The following FAM13A variants were observed in gnomAD, a reference collection of about 807,000 sequenced individuals.
The protein encoded by FAM13A is family with sequence similarity 13 member A, also known as protein FAM13A.
In FAM13A, 76 loss-of-function variants were observed where a neutral mutation model predicts 129.6. The observed-to-expected ratio is 0.59, with a 90% confidence interval of 0.49 to 0.71. FAM13A has a LOEUF of 0.71. Among genes scored for constraint, FAM13A ranks in the 30% least tolerant of loss-of-function variants. The pLI, the probability that FAM13A is intolerant of heterozygous loss-of-function variation, is 0.00. For missense variants in FAM13A, 1,108 were observed against 1,249.3 expected (o/e 0.89, Z 1.70); for synonymous variants, 443 against 449.9 (o/e 0.98, Z 0.20).
intron 7 of FAM13A, among the ~76,000 whole-genome samples, chr4:88,842,685 C>A (rs1429044274): frequency 6.6e-6 from 1 of 152,184 alleles, no homozygotes; most frequent in African/African-American, 2.4e-5. Flanking sequence ...CAGCTAAGAT[C>A]ACAGGAGTCC....
At chr4:88,782,976 T>A (rs1324638786) in intron 10 of FAM13A, among the ~76,000 whole-genome samples, 2 of 152,148 alleles carry the variant, frequency 1.3e-5, no homozygotes. Flanking sequence ...GTTTGTTTTT[T>A]ATTTATTTTT....
chr4:88,803,706 C>T (rs377519650), intron 8 of FAM13A, among the ~76,000 whole-genome samples: 4 of 152,146 alleles, frequency 2.6e-5, no homozygotes, highest in South Asian at 2.1e-4. Flanking sequence ...AAATGGACCA[C>T]GTTGTCTCAT....
intron 7 of FAM13A, among the ~76,000 whole-genome samples, chr4:88,844,275 G>C (rs1339081997): frequency 6.6e-6 from 1 of 152,168 alleles, no homozygotes; most frequent in Non-Finnish European, 1.5e-5. Context: ...CAAGGTAGAA[G>C]TCAGGTAGGA....
rs1351607087 is a variant in FAM13A at position 89,035,688 on chromosome 4, T to C, written c.28-6039A>G. Reference sequence around the variant, plus strand: ...GGGGAGGATTTCTCCCTTGCTGTTCTTGTGATAGTGAGTGAGTCCTCACAA... The same window carrying C: ...GGGGAGGATTTCTCCCTTGCTGTTCCTGTGATAGTGAGTGAGTCCTCACAA... On this transcript the variant is annotated intron_variant, in intron 1 of 23. Coordinates refer to ENST00000264344, the MANE Select transcript of FAM13A (RefSeq NM_014883.4). Among the ~76,000 whole-genome samples the C allele has an allele frequency of 3.3e-5, 5 of 152,294 alleles. No homozygotes were observed. In the South Asian group the frequency reaches 6.2e-4, roughly 19 times the overall value.
At chr4:89,047,227 G>A (rs1770975296) in intron 1 of FAM13A, among the ~76,000 whole-genome samples, 1 of 152,146 alleles carries the variant, frequency 6.6e-6, no homozygotes. Flanking sequence ...TATGATCACA[G>A]AAAAACTTTA....
chr4:88,899,919 C>T (rs1747002263), intron 6 of FAM13A, among the ~76,000 whole-genome samples: 1 of 151,956 alleles, frequency 6.6e-6, no homozygotes, highest in African/African-American at 2.4e-5. Flanking sequence ...GCCAGAACAG[C>T]CAGTTTAGAG....
chr4:89,014,916 C>T (rs750891341), intron 3 of FAM13A, among the ~76,000 whole-genome samples: 11 of 152,174 alleles, frequency 7.2e-5, no homozygotes, highest in Non-Finnish European at 1.0e-4. Context: ...TGCCTGAGAG[C>T]TGGGCAGAAC....
chr4:88,730,727 C>A (rs1560825037), intron 23 of FAM13A, among the ~76,000 whole-genome samples: 1 of 152,168 alleles, frequency 6.6e-6, no homozygotes, highest in Non-Finnish European at 1.5e-5. Flanking sequence ...TTCATTTAAA[C>A]TTGGCAATTA....
Position 88,938,237 on chromosome 4 carries a change from G to T in FAM13A, c.610C>A (p.Pro204Thr), listed in dbSNP as rs759478869. Residue 204 changes from proline to threonine, a missense_variant, in exon 5 of 24, where the codon CCA (proline) becomes ACA (threonine). Around this residue, in one of 3 missense-constraint regions of FAM13A, gnomAD observed 566 missense variants for 595.7 expected, o/e 0.95. Transcript: ENST00000264344. ...TCCTTCATGCCTTCAAGCCCAGGTGGCACACTAGAAACAAGAAAGGGAAAG... is the reference window on the plus strand; with the variant it reads ...TCCTTCATGCCTTCAAGCCCAGGTGTCACACTAGAAACAAGAAAGGGAAAG... ...TVFGPNCFHVPPGLEGMKEQD... is the reference protein window; with the variant it reads ...TVFGPNCFHVTPGLEGMKEQD... 6.2e-7 allele frequency: 1 copy of T among 1,600,524 alleles called. No homozygotes were observed. The highest frequency in any genetic ancestry group is 2.2e-5 in the East Asian group (1 of 44,732).
At chr4:88,805,267 G>T (rs1049540938) in intron 7 of FAM13A, among the ~76,000 whole-genome samples, 2 of 152,194 alleles carry the variant, frequency 1.3e-5, no homozygotes, top group Non-Finnish European at 2.9e-5. Flanking sequence ...TTCAAGATCA[G>T]CTAAGACAGA....
In FAM13A at chr4:88,726,694, T is replaced by C. The variant is rs901955170; in HGVS notation, c.*1839A>G. On this transcript the variant is annotated 3_prime_UTR_variant, in exon 24 of 24. Transcript: ENST00000264344. ...ATGATTCATGTTCAGATTTCAAAAA[T>C]AGGAAACATCCTAAAGTGCATCATT... 9 of 152,654 alleles carry C rather than the reference T, an allele frequency of 5.9e-5. No homozygotes were observed. Among genetic ancestry groups the C allele is most frequent in the Admixed American group, 2.0e-4 (3 of 15,286 alleles). 9.5% of individuals were successfully genotyped at this position (152,654 alleles called of 1,614,324 possible).
chr4:88,922,520 C>T (rs1328069626), intron 5 of FAM13A, among the ~76,000 whole-genome samples: 3 of 151,880 alleles, frequency 2.0e-5, no homozygotes, highest in Non-Finnish European at 1.5e-5. Flanking sequence ...AAAGACACAA[C>T]ATACCAGAAT....
intron 4 of FAM13A, among the ~76,000 whole-genome samples, chr4:88,980,312 T>A (rs1174643772): frequency 6.6e-6 from 1 of 152,238 alleles, no homozygotes; most frequent in Non-Finnish European, 1.5e-5. Flanking sequence ...TTTATCTTTA[T>A]ACTGTGGGGG....
chr4:88,728,395 C>G lies in FAM13A; in HGVS notation c.*138G>C. The G allele has an allele frequency of 1.0e-6, 1 of 974,418 alleles. No individual in the cohort carries two copies. The highest frequency in any genetic ancestry group is 1.5e-6 in the Non-Finnish European group (1 of 657,224). The allele number at this position is 974,418 out of a possible 1,614,324, so 60.4% of individuals were successfully genotyped here. A position where few individuals can be genotyped will look rare whatever the true frequency, so the allele number is the denominator to read the frequency against. ...TAAGGCAGGCAATGGAAACAGGAGC[C>G]GATGCCAAATGGTCTAGAGGCAGAA... On this transcript the variant is annotated 3_prime_UTR_variant, in exon 24 of 24. Coordinates refer to ENST00000264344, the MANE Select transcript of FAM13A (RefSeq NM_014883.4).
chr4:88,836,505 T>G (rs996316533), intron 7 of FAM13A, among the ~76,000 whole-genome samples: 1 of 152,204 alleles, frequency 6.6e-6, no homozygotes, highest in Non-Finnish European at 1.5e-5. Flanking sequence ...CATTTATGAA[T>G]GTACAGTCAA....
At chr4:88,813,963 C>T (rs1467765244) in intron 7 of FAM13A, among the ~76,000 whole-genome samples, 2 of 152,026 alleles carry the variant, frequency 1.3e-5, no homozygotes, top group Non-Finnish European at 2.9e-5. Flanking sequence ...CCAACTTTCA[C>T]GGAATTTACA....
chr4:89,014,142 T>C (rs1766134002), intron 3 of FAM13A, among the ~76,000 whole-genome samples: 1 of 152,152 alleles, frequency 6.6e-6, no homozygotes, highest in Non-Finnish European at 1.5e-5. Context: ...TACAAATGAT[T>C]GTAAAATAAA....
intron 7 of FAM13A, among the ~76,000 whole-genome samples, chr4:88,831,145 G>C (rs149270454): frequency 2.2e-4 from 33 of 152,308 alleles, no homozygotes; most frequent in African/African-American, 7.0e-4. Flanking sequence ...CTTTCAGTTA[G>C]TGATTATTGC....
rs548675736 is a variant in FAM13A, at chr4:88,942,771, G to T, written c.606-4530C>A. Among the ~76,000 whole-genome samples the T allele has an allele frequency of 1.9e-4, 29 of 151,956 alleles. 2 individuals are homozygous for T. Among genetic ancestry groups the T allele is most frequent in the African/African-American group, 7.0e-4 (29 of 41,390 alleles). ...TCGTAGGCTACTAACTCTCCGAATT[G>T]CCTATTTTCTTTGAAAAAAATAGTC... On this transcript the variant is annotated intron_variant, in intron 4 of 23. Coordinates refer to ENST00000264344, the MANE Select transcript of FAM13A (RefSeq NM_014883.4).
Sources: gnomAD v4.1 joint callset for allele counts (sites outside exome capture counted in the v4.1 genomes callset) on GRCh38, gnomAD v4.1.1 for gene constraint, gnomAD v4.1.1 regional missense constraint, MANE v1.5 for transcripts, NCBI Gene and HGNC (gene_info 2026-07-23, HGNC 2026-07-21) for gene names.